DLG5: variants seen among roughly 807,000 people sequenced by gnomAD.
The protein encoded by DLG5 is disks large homolog 5.
A neutral mutation model predicts 189.8 loss-of-function variants in DLG5; 48 were observed. The ratio of observed to expected loss-of-function variants is 0.25; its 90% CI spans 0.20 to 0.32. DLG5 has a LOEUF of 0.32. DLG5 is among the 10% of genes least tolerant of loss of function. DLG5 has a pLI of 1.00. For missense variants in DLG5, 2,160 were observed against 2,544.7 expected (o/e 0.85, Z 3.25); for synonymous variants, 1,016 against 1,054.1 (o/e 0.96, Z 0.70).
rs1356228080 is a variant in DLG5, at chr10:77,817,868, C to G, written c.3693G>C (p.Leu1231=). 1 of 1,552,394 alleles carries G rather than the reference C, an allele frequency of 6.4e-7. No homozygotes were observed. Among genetic ancestry groups the G allele is most frequent in the Admixed American group, 2.0e-5 (1 of 51,104 alleles). Residue 1231 remains leucine (L), a synonymous_variant, in exon 18 of 32, where the codon CTG becomes CTC. Coordinates refer to ENST00000372391, the MANE Select transcript of DLG5 (RefSeq NM_004747.4). ...LHPSVQHQGR[L]SLDLSHRTCS... ...AGGTCCTGTGGCTCAGGTCCAGGCTCAGGCGTCCCTGGTGCTGGACACTGC... is the reference window on the plus strand; with the variant it reads ...AGGTCCTGTGGCTCAGGTCCAGGCTGAGGCGTCCCTGGTGCTGGACACTGC...
intron 13 of DLG5, among the ~76,000 whole-genome samples, chr10:77,827,368 G>C (rs1842687737): frequency 6.6e-6 from 1 of 152,076 alleles, no homozygotes; most frequent in African/African-American, 2.4e-5. Flanking sequence ...TGGGATTACA[G>C]GCACCCACCA....
At chr10:77,877,423 T>G (rs200611162) in intron 1 of DLG5, among the ~76,000 whole-genome samples, 1 of 152,052 alleles carries the variant, frequency 6.6e-6, no homozygotes, top group Non-Finnish European at 1.5e-5. Context: ...GAGTCCACAG[T>G]TGGATAGCCT....
At chr10:77,901,560 G>A (rs1002328803) in intron 1 of DLG5, among the ~76,000 whole-genome samples, 15 of 152,238 alleles carry the variant, frequency 9.9e-5, no homozygotes, top group African/African-American at 3.1e-4. Flanking sequence ...GGCAGCATCC[G>A]TGACTTCTGC....
At chr10:77,810,525 C>T (rs1841710790) in intron 23 of DLG5, among the ~76,000 whole-genome samples, 1 of 152,252 alleles carries the variant, frequency 6.6e-6, no homozygotes, top group African/African-American at 2.4e-5. Context: ...CTGTGCAGCT[C>T]CCATGGAGCT....
chr10:77,918,354 A>G (rs1846432316), intron 1 of DLG5, among the ~76,000 whole-genome samples: 1 of 151,974 alleles, frequency 6.6e-6, no homozygotes, highest in Non-Finnish European at 1.5e-5. Flanking sequence ...CGAAGGTTGC[A>G]TGAGCCGAGA....
chr10:77,901,114 CAAAAAAAAAAAA>C (rs34724408), intron 1 of DLG5, among the ~76,000 whole-genome samples: 1 of 52,706 alleles, frequency 1.9e-5, no homozygotes. Flanking sequence ...AACTCCATCT[CAAAAAAAAAAAA>C]AAAAAGAAAA....
intron 2 of DLG5, among the ~76,000 whole-genome samples, chr10:77,866,024 A>C (rs1369546865): frequency 1.3e-5 from 2 of 152,184 alleles, no homozygotes; most frequent in African/African-American, 4.8e-5. Context: ...TTTTTATTAT[A>C]AGGATCTTGC....
intron 4 of DLG5, 55 bp from the exon 5 acceptor site, chr10:77,853,592 C>G (rs920936400): frequency 6.4e-5 from 93 of 1,446,036 alleles, no homozygotes; most frequent in Non-Finnish European, 7.9e-5. Flanking sequence ...ACACCCCGCC[C>G]CACCCCAGGG....
intron 2 of DLG5, among the ~76,000 whole-genome samples, chr10:77,857,918 T>C (rs758208028): frequency 1.3e-5 from 2 of 152,098 alleles, no homozygotes; most frequent in African/African-American, 2.4e-5. Flanking sequence ...ACAAAGGGCA[T>C]AGGACATGAT....
At chr10:77,930,621 T>G (rs1846777991), upstream of DLG5, among the ~76,000 whole-genome samples, 1 of 151,494 alleles carries the variant, frequency 6.6e-6, no homozygotes, top group Non-Finnish European at 1.5e-5. Flanking sequence ...AGTGCTGGGA[T>G]TACAGGCATG....
rs1486212511 is a variant in DLG5 at position 77,805,673 on chromosome 10, A to G, written c.5156T>C (p.Leu1719Pro). 6.2e-7 allele frequency: 1 copy of G among 1,607,016 alleles called. No homozygotes were observed. The highest frequency in any genetic ancestry group is 2.2e-5 in the East Asian group (1 of 44,652). ...TGAGCTCAGCCACTTGCCTTCAAAG[A>G]GTGGAATGGAGTCACTGGAAAAGGC... ...LDAFSSDSIP[L>P]FEDSVSLAYQ... The change falls in exon 27 of 32, where the codon CTC becomes CCC. Residue 1719 changes from leucine to proline, a missense_variant. This residue lies in a region of DLG5 where 574 missense variants were observed against 644.2 expected (regional missense o/e 0.89). Transcript: ENST00000372391.
intron 23 of DLG5, among the ~76,000 whole-genome samples, 155 bp from the exon 24 acceptor site, chr10:77,809,885 G>A (rs571275938): frequency 1.3e-5 from 2 of 152,146 alleles, no homozygotes; most frequent in Admixed American, 6.5e-5. Context: ...CTGGCTCGGC[G>A]TTCGGGACAG....
chr10:77,902,808 C>A (rs1038577630), intron 1 of DLG5, among the ~76,000 whole-genome samples: 3 of 151,082 alleles, frequency 2.0e-5, no homozygotes, highest in Non-Finnish European at 4.4e-5. Context: ...TGCAGTGAGC[C>A]GAGATCGTAC....
At chr10:77,865,985 G>A (rs1844665424) in intron 2 of DLG5, among the ~76,000 whole-genome samples, 1 of 152,214 alleles carries the variant, frequency 6.6e-6, no homozygotes, top group Non-Finnish European at 1.5e-5. Context: ...TCCATTTAGG[G>A]AGATGTAAAT....
chr10:77,813,170 G>A (rs1006456304), intron 20 of DLG5, among the ~76,000 whole-genome samples: 3 of 152,248 alleles, frequency 2.0e-5, no homozygotes, highest in South Asian at 2.1e-4. Flanking sequence ...GGAGCCTCCC[G>A]TTGGGACTTC....
At chr10:77,849,134 C>T (rs1236302990) in intron 5 of DLG5, among the ~76,000 whole-genome samples, 1 of 152,194 alleles carries the variant, frequency 6.6e-6, no homozygotes. Context: ...TCAACCATGG[C>T]GCCCCCTCCC....
chr10:77,937,390 T>C, the DLG5 span, among the ~76,000 whole-genome samples: 3 of 152,204 alleles, frequency 2.0e-5, no homozygotes, highest in African/African-American at 4.8e-5. Context: ...TCTATTGCCT[T>C]GCATCATTTG....
chr10:77,829,033 G>C, intron 12 of DLG5, 48 bp from the exon 13 acceptor site: 2 of 1,578,526 alleles, frequency 1.3e-6, no homozygotes, highest in Non-Finnish European at 1.7e-6. Context: ...TCGCTGCCCA[G>C]CCCTGGGTCA....
intron 2 of DLG5, among the ~76,000 whole-genome samples, chr10:77,864,656 G>A (rs754511099): frequency 2.0e-5 from 3 of 152,336 alleles, no homozygotes; most frequent in African/African-American, 4.8e-5. Context: ...GGGTGATTCC[G>A]ATGCCTGCTA....
Sources: allele counts gnomAD v4.1 joint callset (sites outside exome capture counted in the v4.1 genomes callset), GRCh38; gene constraint gnomAD v4.1.1; regional missense constraint gnomAD v4.1.1; transcripts MANE v1.5; gene names NCBI Gene and HGNC (gene_info 2026-07-23, HGNC 2026-07-21).